The following DTNB variants were observed in gnomAD, a reference collection of about 807,000 sequenced individuals.
The protein encoded by DTNB is dystrobrevin beta.
Under a neutral mutation model 90.7 loss-of-function variants are expected in DTNB, and 63 were observed. That is an observed-to-expected ratio of 0.69 (90% CI 0.57 to 0.86). The LOEUF (loss-of-function observed/expected upper bound fraction) is 0.86, where lower values mean the gene tolerates loss of function less well. Ranked by LOEUF, DTNB falls within the 40% of genes least tolerant of loss-of-function variation. The pLI, the probability that DTNB is intolerant of heterozygous loss-of-function variation, is 0.00. For missense variants in DTNB, 744 were observed against 807.1 expected, an observed-to-expected ratio of 0.92 and a Z score of 0.95; for synonymous variants, 277 against 286.7, an observed-to-expected ratio of 0.97 and a Z score of 0.34.
At chr2:25,588,902 A>G (rs2062969476) in intron 6 of DTNB, among the ~76,000 whole-genome samples, 1 of 152,216 alleles carries the variant, frequency 6.6e-6, no homozygotes, top group African/African-American at 2.4e-5. Flanking sequence ...ATCCACACCA[A>G]AGTACACAGT....
At chr2:25,658,226 C>T (rs2082448170) in intron 1 of DTNB, among the ~76,000 whole-genome samples, 1 of 146,742 alleles carries the variant, frequency 6.8e-6, no homozygotes, top group African/African-American at 2.5e-5. Flanking sequence ...CATTGCACTC[C>T]AGCCTGGGCA....
intron 9 of DTNB, among the ~76,000 whole-genome samples, chr2:25,483,713 TCTCC>T (rs2065471412): frequency 1.3e-5 from 2 of 152,042 alleles, no homozygotes; most frequent in South Asian, 4.1e-4. Context: ...CTTCAACCCC[TCTCC>T]CTCCCTACCA....
At chr2:25,471,450 C>T (rs1306872741) in intron 10 of DTNB, among the ~76,000 whole-genome samples, 2 of 151,078 alleles carry the variant, frequency 1.3e-5, no homozygotes, top group Non-Finnish European at 2.9e-5. Context: ...TGGAGTGCAG[C>T]GGCCCAATCT....
chr2:25,532,848 T>C (rs935243824), intron 8 of DTNB, among the ~76,000 whole-genome samples: 6 of 152,220 alleles, frequency 3.9e-5, no homozygotes, highest in African/African-American at 7.2e-5. Context: ...ACGTCCCCAA[T>C]AGACTTCTAT....
chr2:25,463,409 C>G (rs1432745080), intron 10 of DTNB, among the ~76,000 whole-genome samples: 2 of 152,182 alleles, frequency 1.3e-5, no homozygotes, highest in Non-Finnish European at 2.9e-5. Flanking sequence ...TTACACTGCC[C>G]CAATAGCCTC....
intron 12 of DTNB, among the ~76,000 whole-genome samples, chr2:25,449,088 A>G (rs937470802): frequency 6.6e-6 from 1 of 152,164 alleles, no homozygotes; most frequent in Non-Finnish European, 1.5e-5. Flanking sequence ...TTTCACATAG[A>G]AAAAAACAGT....
intron 10 of DTNB, among the ~76,000 whole-genome samples, chr2:25,467,729 C>G (rs2150267914): frequency 6.6e-6 from 1 of 152,194 alleles, no homozygotes; most frequent in South Asian, 2.1e-4. Flanking sequence ...GTATATAGAG[C>G]TGCATCTCTT....
chr2:25,543,171 ATATAC>A (rs1032794032), intron 8 of DTNB, among the ~76,000 whole-genome samples: 2 of 152,100 alleles, frequency 1.3e-5, no homozygotes, highest in African/African-American at 4.8e-5. Context: ...TCTAAGACTA[ATATAC>A]TTTCAACAAA....
intron 3 of DTNB, among the ~76,000 whole-genome samples, chr2:25,635,292 A>T (rs1033869765): frequency 2.6e-5 from 4 of 151,762 alleles, no homozygotes; most frequent in Non-Finnish European, 5.9e-5. Flanking sequence ...TTAGCTGGGT[A>T]TGGTGGCGGG....
chr2:25,531,429 C>G, intron 9 of DTNB, 44 bp downstream of exon 9: 1 of 1,578,742 alleles, frequency 6.3e-7, no homozygotes. Context: ...TCACAAGGCC[C>G]CCATTTCAGT....
intron 4 of DTNB, among the ~76,000 whole-genome samples, chr2:25,615,424 T>G (rs1453331041): frequency 6.6e-6 from 1 of 152,326 alleles, no homozygotes; most frequent in South Asian, 2.1e-4. Context: ...CCCAACTCTC[T>G]AATCAATCAC....
At chr2:25,599,213 AG>A (rs1171605708) in intron 5 of DTNB, among the ~76,000 whole-genome samples, 1 of 151,326 alleles carries the variant, frequency 6.6e-6, no homozygotes, top group Admixed American at 6.6e-5. Flanking sequence ...TACGGAATAA[AG>A]GAAGTTTAAA....
chr2:25,433,629 G>A (rs985114827), intron 13 of DTNB, among the ~76,000 whole-genome samples: 2 of 151,910 alleles, frequency 1.3e-5, no homozygotes, highest in African/African-American at 2.4e-5. Context: ...AGTGGAAAAC[G>A]CAATTGTGAG....
At chr2:25,392,773 A>C (rs537488116) in intron 16 of DTNB, among the ~76,000 whole-genome samples, 1 of 152,348 alleles carries the variant, frequency 6.6e-6, no homozygotes, top group African/African-American at 2.4e-5. Flanking sequence ...AACAAAAAAC[A>C]GTCCAGGACC....
chr2:25,581,002 C>T (rs996318100), intron 6 of DTNB, among the ~76,000 whole-genome samples, 176 bp from the exon 7 acceptor site: 12 of 152,260 alleles, frequency 7.9e-5, no homozygotes, highest in African/African-American at 2.6e-4. Flanking sequence ...TACACTACTA[C>T]TATTAGTATA....
intron 16 of DTNB, among the ~76,000 whole-genome samples, chr2:25,418,036 A>G (rs994431990): frequency 2.0e-5 from 3 of 152,182 alleles, no homozygotes; most frequent in African/African-American, 7.2e-5. Context: ...CTTGATTTGC[A>G]TCCTGTTCAG....
intron 8 of DTNB, among the ~76,000 whole-genome samples, chr2:25,574,209 AACT>A (rs2060312618): frequency 6.6e-6 from 1 of 152,234 alleles, no homozygotes; most frequent in African/African-American, 2.4e-5. Flanking sequence ...CACTCATTAA[AACT>A]TAAGCTCCAC....
chr2:25,605,647 CAGTT>C (rs2066946362), intron 5 of DTNB, among the ~76,000 whole-genome samples: 2 of 152,084 alleles, frequency 1.3e-5, no homozygotes, highest in Admixed American at 1.3e-4. Context: ...ATCTAGAATA[CAGTT>C]AATTTTCTGC....
intron 5 of DTNB, among the ~76,000 whole-genome samples, chr2:25,605,720 G>GTA (rs1258405783): frequency 2.6e-5 from 4 of 152,014 alleles, no homozygotes; most frequent in South Asian, 2.1e-4. Context: ...AATAAAGATG[G>GTA]TATATATATT....
Sources: allele counts gnomAD v4.1 joint callset (sites outside exome capture counted in the v4.1 genomes callset), GRCh38; gene constraint gnomAD v4.1.1; transcripts MANE v1.5; gene names NCBI Gene and HGNC (gene_info 2026-07-23, HGNC 2026-07-21).